Variants in KCNMB2 observed in about 807,000 individuals in gnomAD.
The protein encoded by KCNMB2 is calcium-activated potassium channel subunit beta-2.
KCNMB2 carries 9 observed loss-of-function variants against 24.5 expected under a neutral mutation model. The observed-to-expected ratio is 0.37, with a 90% CI of 0.22 to 0.64. KCNMB2 has a LOEUF of 0.64. KCNMB2 is among the 30% of genes least tolerant of loss of function. KCNMB2 has a pLI of 0.63. For synonymous variants in KCNMB2, 109 were observed against 104.4 expected, an observed-to-expected ratio of 1.04 and a Z score of -0.27; for missense variants, 226 against 284.3, an observed-to-expected ratio of 0.79 and a Z score of 1.47.
rs144483217 is a variant in KCNMB2 at position 178,671,584 on chromosome 3, T to C, written c.-68+134873T>C. ...TACAGAATACAGAGAGAAGGTGAAA[T>C]TGATGATCCACAGCACAGTTTTCTG... On this transcript the variant is annotated intron_variant, in intron 1 of 4. Coordinates refer to ENST00000452583, the MANE Select transcript of KCNMB2 (RefSeq NM_181361.3). 4.6e-5 allele frequency among the ~76,000 whole-genome samples: 7 copies of C among 152,010 alleles called. No individual in the cohort carries two copies. In the East Asian group the frequency reaches 1.4e-3, roughly 30 times the overall value.
intron 1 of KCNMB2, among the ~76,000 whole-genome samples, chr3:178,759,488 T>A (rs1238139484): frequency 9.2e-6 from 1 of 108,728 alleles, no homozygotes; most frequent in Non-Finnish European, 1.8e-5. Flanking sequence ...TATATATATA[T>A]CTCCAAGAGG....
intron 1 of KCNMB2, among the ~76,000 whole-genome samples, chr3:178,648,615 G>A (rs1407284106): frequency 3.9e-5 from 6 of 152,174 alleles, no homozygotes; most frequent in Non-Finnish European, 7.3e-5. Context: ...CTTCTTGAGT[G>A]AACCATTCTG....
chr3:178,731,493 T>A (rs1396514604), intron 1 of KCNMB2, among the ~76,000 whole-genome samples: 1 of 152,122 alleles, frequency 6.6e-6, no homozygotes, highest in Non-Finnish European at 1.5e-5. Context: ...GAACCACTGG[T>A]CAAGGAAATG....
At chr3:178,547,147 A>G (rs1468785870) in intron 1 of KCNMB2, among the ~76,000 whole-genome samples, 6 of 152,080 alleles carry the variant, frequency 3.9e-5, no homozygotes. Flanking sequence ...TAATAAATGG[A>G]CGAGTTGGGC....
chr3:178,684,827 G>A (rs556604120), intron 1 of KCNMB2, among the ~76,000 whole-genome samples: 128 of 152,154 alleles, frequency 8.4e-4, no homozygotes, highest in African/African-American at 2.2e-3. Flanking sequence ...GCGAAACTCC[G>A]TCTCAAAAAA....
chr3:178,568,713 T>C (rs1158557262), intron 1 of KCNMB2, among the ~76,000 whole-genome samples: 1 of 152,176 alleles, frequency 6.6e-6, no homozygotes, highest in East Asian at 1.9e-4. Context: ...GCATTTATCC[T>C]ACCTGGAATG....
Position 178,792,282 on chromosome 3 carries a change from C to T in KCNMB2, c.-67-15061C>T, listed in dbSNP as rs554494997. Among the ~76,000 whole-genome samples, 695 of 152,134 alleles carry T rather than the reference C, an allele frequency of 4.6e-3. 3 individuals carry two copies. Among genetic ancestry groups the T allele is most frequent in the Non-Finnish European group, 7.7e-3 (523 of 67,968 alleles). On this transcript the variant is annotated intron_variant, in intron 1 of 4. Transcript: ENST00000452583. ...AAATGTCAAATTTGTATTAGTTTTC[C>T]TCTTATTTGTCTGCTTGTTGTTTTT...
At chr3:178,624,613 TAAAAAAGGCA>T (rs1719042967) in intron 1 of KCNMB2, among the ~76,000 whole-genome samples, 3 of 148,388 alleles carry the variant, frequency 2.0e-5, no homozygotes, top group African/African-American at 7.5e-5. Context: ...TTTTTTTTTT[TAAAAAAGGCA>T]TTTAGTTTAT....
intron 1 of KCNMB2, among the ~76,000 whole-genome samples, chr3:178,806,955 T>C (rs562381255): frequency 6.6e-6 from 1 of 152,278 alleles, no homozygotes; most frequent in South Asian, 2.1e-4. Context: ...AAAGAAGAAG[T>C]TGAGTTTTAG....
intron 1 of KCNMB2, among the ~76,000 whole-genome samples, chr3:178,753,454 A>C (rs774758875): frequency 2.1e-4 from 32 of 152,190 alleles, no homozygotes; most frequent in Non-Finnish European, 3.5e-4. Flanking sequence ...TATTGGAAAA[A>C]TGACTGAATG....
chr3:178,690,031 A>G (rs549216013), intron 1 of KCNMB2, among the ~76,000 whole-genome samples: 2 of 152,224 alleles, frequency 1.3e-5, no homozygotes, highest in Non-Finnish European at 2.9e-5. Context: ...CACTGTATAC[A>G]CAAAATTTTA....
chr3:178,761,620 C>G (rs1577166548), intron 1 of KCNMB2, among the ~76,000 whole-genome samples: 1 of 152,218 alleles, frequency 6.6e-6, no homozygotes. Flanking sequence ...AAAGCAAATC[C>G]TCCCATCCAT....
intron 1 of KCNMB2, among the ~76,000 whole-genome samples, chr3:178,575,423 T>A (rs7625709): frequency 0.12 from 17,519 of 152,214 alleles, 1,161 homozygotes; most frequent in Middle Eastern, 0.24. Context: ...TTAAAATATG[T>A]ATACTAACAA....
At chr3:178,720,183 A>C (rs1391143967) in intron 1 of KCNMB2, among the ~76,000 whole-genome samples, 1 of 151,566 alleles carries the variant, frequency 6.6e-6, no homozygotes, top group African/African-American at 2.4e-5. Context: ...TCCTGTGTCC[A>C]TGTGTTCTCA....
chr3:178,625,896 C>A (rs1719099407), intron 1 of KCNMB2, among the ~76,000 whole-genome samples: 1 of 152,152 alleles, frequency 6.6e-6, no homozygotes, highest in African/African-American at 2.4e-5. Flanking sequence ...CATGACTCAC[C>A]CTATAGAGTA....
chr3:178,692,841 C>T (rs1721731828), intron 1 of KCNMB2, among the ~76,000 whole-genome samples: 1 of 152,116 alleles, frequency 6.6e-6, no homozygotes, highest in African/African-American at 2.4e-5. Context: ...GCTTTGGGCA[C>T]TATGGCCATT....
chr3:178,604,403 A>T (rs1183241172), intron 1 of KCNMB2, among the ~76,000 whole-genome samples: 3 of 12,976 alleles, frequency 2.3e-4, no homozygotes, highest in Non-Finnish European at 3.5e-4. Flanking sequence ...GAAGTGGTTT[A>T]AAAAAAAAAA....
intron 1 of KCNMB2, among the ~76,000 whole-genome samples, chr3:178,741,152 A>G (rs965878985): frequency 2.0e-5 from 3 of 152,198 alleles, no homozygotes; most frequent in Admixed American, 6.5e-5. Context: ...TGTCACGTAA[A>G]CAGAGTGTGT....
intron 1 of KCNMB2, among the ~76,000 whole-genome samples, chr3:178,623,149 T>C (rs1718981860): frequency 6.6e-6 from 1 of 152,198 alleles, no homozygotes; most frequent in Non-Finnish European, 1.5e-5. Context: ...CACAGTGTTA[T>C]TTAGTGTGGG....
Sources: gnomAD v4.1 joint callset for allele counts (sites outside exome capture counted in the v4.1 genomes callset) on GRCh38, gnomAD v4.1.1 for gene constraint, MANE v1.5 for transcripts, NCBI Gene and HGNC (gene_info 2026-07-23, HGNC 2026-07-21) for gene names.